The following VPS13B variants were observed in gnomAD, a reference collection of about 807,000 sequenced individuals.
VPS13B encodes the protein intermembrane lipid transfer protein VPS13B.
A neutral mutation model predicts 426.4 loss-of-function variants in VPS13B; 285 were observed. That is an observed-to-expected ratio of 0.67 (90% CI 0.61 to 0.74). The LOEUF is 0.74. Ranked by LOEUF, VPS13B falls within the 30% of genes least tolerant of loss-of-function variation. The pLI, the probability that VPS13B is intolerant of heterozygous loss-of-function variation, is 0.00. For synonymous variants in VPS13B, 1,676 were observed against 1,676.4 expected (o/e 1.00, Z 0.01); for missense variants, 4,537 against 4,782.6 (o/e 0.95, Z 1.51).
intron 12 of VPS13B, among the ~76,000 whole-genome samples, chr8:99,141,712 C>G (rs145271868): frequency 1.5e-3 from 226 of 151,894 alleles, no homozygotes; most frequent in African/African-American, 5.1e-3. Context: ...ATAATCTTTG[C>G]ACTAAGTCGT....
chr8:99,724,139 A>T (rs1213001496), intron 39 of VPS13B, among the ~76,000 whole-genome samples: 2 of 152,180 alleles, frequency 1.3e-5, no homozygotes, highest in East Asian at 3.9e-4. Context: ...GACAGAACAT[A>T]TGTAACATGA....
At chr8:99,615,112 C>T (rs899472860) in intron 33 of VPS13B, among the ~76,000 whole-genome samples, 5 of 127,770 alleles carry the variant, frequency 3.9e-5, no homozygotes, top group African/African-American at 6.0e-5. Flanking sequence ...AGTGAAACTC[C>T]GTCTCAAAAA....
chr8:99,076,679 G>C (rs944363593), intron 3 of VPS13B, among the ~76,000 whole-genome samples: 1 of 139,642 alleles, frequency 7.2e-6, no homozygotes, highest in Non-Finnish European at 1.6e-5. Flanking sequence ...AGCTACTTCT[G>C]TTTGCTTTTG....
At chr8:99,024,842 T>C (rs1203041468) in intron 2 of VPS13B, among the ~76,000 whole-genome samples, 1 of 152,206 alleles carries the variant, frequency 6.6e-6, no homozygotes, top group Non-Finnish European at 1.5e-5. Context: ...AAGAATAGCA[T>C]TGATAATTTA....
chr8:99,604,359 A>G (rs764781314), intron 33 of VPS13B, among the ~76,000 whole-genome samples: 49 of 152,192 alleles, frequency 3.2e-4, no homozygotes, highest in Non-Finnish European at 5.4e-4. Flanking sequence ...TTTTATTTGC[A>G]TGTTCTCAAT....
intron 33 of VPS13B, among the ~76,000 whole-genome samples, chr8:99,616,549 C>T (rs973422436): frequency 1.7e-4 from 26 of 152,116 alleles, no homozygotes; most frequent in Admixed American, 1.4e-3. Context: ...CAGATATGGC[C>T]GGGCGCAGTG....
chr8:99,821,238 G>A (rs896278870), intron 49 of VPS13B, 56 bp from the exon 50 acceptor site: 3 of 1,550,234 alleles, frequency 1.9e-6, no homozygotes, highest in Admixed American at 1.8e-5. Context: ...GAGGATTGAA[G>A]TAAAAAATAT....
At chr8:99,683,076 T>C (rs2129994464) in intron 35 of VPS13B, among the ~76,000 whole-genome samples, 1 of 152,166 alleles carries the variant, frequency 6.6e-6, no homozygotes. Flanking sequence ...TTTAAGGTAC[T>C]TTTTTTTGTA....
intron 17 of VPS13B, among the ~76,000 whole-genome samples, chr8:99,255,704 G>T (rs974720902): frequency 6.6e-6 from 1 of 152,114 alleles, no homozygotes; most frequent in Admixed American, 6.5e-5. Flanking sequence ...CTGGCTTGGA[G>T]TGTTTAGATT....
intron 2 of VPS13B, among the ~76,000 whole-genome samples, chr8:99,029,021 CG>C (rs1842341672): frequency 6.7e-6 from 1 of 149,986 alleles, no homozygotes. Context: ...ACTTCTCAGA[CG>C]GGGTGGTTGC....
chr8:99,341,059 C>A (rs149132298), intron 19 of VPS13B: 2 of 267,042 alleles, frequency 7.5e-6, no homozygotes, highest in Non-Finnish European at 1.5e-5. Context: ...ATAACTGATG[C>A]GGTAGTGTAA....
intron 17 of VPS13B, among the ~76,000 whole-genome samples, chr8:99,217,924 A>G (rs1815476811): frequency 6.6e-6 from 1 of 152,214 alleles, no homozygotes; most frequent in Non-Finnish European, 1.5e-5. Flanking sequence ...CCCTTTGCAT[A>G]AAACATTTGC....
At chr8:99,857,747 A>T (rs945169286) in intron 56 of VPS13B, among the ~76,000 whole-genome samples, 1 of 152,194 alleles carries the variant, frequency 6.6e-6, no homozygotes, top group Non-Finnish European at 1.5e-5. Flanking sequence ...CCTGACCCAG[A>T]CAGCAGCTCA....
chr8:99,193,047 C>T lies in VPS13B; in HGVS notation c.2505C>T (p.Phe835=). The T allele has an allele frequency of 1.2e-6, 2 of 1,613,454 alleles. No individual in the cohort carries two copies. Among genetic ancestry groups the T allele is most frequent in the South Asian group, 2.2e-5 (2 of 91,066 alleles). ...TTGAAGCTTTGATAAATGAAATCTT[C>T]CTAAGTATAGGTAAGAGCACAGTCT... The part of the protein sequence containing the change: ...AVIEALINEI[F]LSIGVKSKNP... The change falls in exon 17 of 62, where the codon TTC becomes TTT. Residue 835 remains phenylalanine (F), a synonymous_variant. Coordinates refer to ENST00000357162, the MANE Select transcript of VPS13B (RefSeq NM_152564.5).
At chr8:99,749,036 T>G (rs1193493950) in intron 39 of VPS13B, among the ~76,000 whole-genome samples, 1 of 152,038 alleles carries the variant, frequency 6.6e-6, no homozygotes, top group Non-Finnish European at 1.5e-5. Context: ...CATGAGTATA[T>G]TCATGTTTAT....
At chr8:99,111,303 T>G (rs1421935714) in intron 6 of VPS13B, 24 bp downstream of exon 6, 1 of 1,577,088 alleles carries the variant, frequency 6.3e-7, no homozygotes, top group East Asian at 2.3e-5. Context: ...TTTTTTGCAG[T>G]TAAGTTGCAT....
rs374178777 is a variant in VPS13B, at chr8:99,496,575, C to T, written c.3871-5112C>T. Among the ~76,000 whole-genome samples, 89 of 152,112 alleles carry T rather than the reference C, an allele frequency of 5.9e-4. 3 individuals are homozygous for T. The highest frequency in any genetic ancestry group is 2.1e-3 in the African/African-American group (87 of 41,524). Reference sequence around the variant, plus strand: ...CTGAGGCAGGAGAATGGCGTGAACCCGGGAGGCGGAGCTTGCAGTGAGCCA... The same window carrying T: ...CTGAGGCAGGAGAATGGCGTGAACCTGGGAGGCGGAGCTTGCAGTGAGCCA... On this transcript the variant is annotated intron_variant, in intron 25 of 61. Transcript: ENST00000357162.
chr8:99,870,279 C>T (rs1028036509), intron 59 of VPS13B, among the ~76,000 whole-genome samples: 2 of 152,084 alleles, frequency 1.3e-5, no homozygotes, highest in Admixed American at 6.5e-5. Flanking sequence ...AGTGATCCTC[C>T]CACCTCAGCC....
chr8:99,421,324 G>A (rs982460233), intron 21 of VPS13B, among the ~76,000 whole-genome samples: 13 of 152,166 alleles, frequency 8.5e-5, no homozygotes, highest in Admixed American at 7.2e-4. Flanking sequence ...AAATGAGATT[G>A]CGATGTTAAA....
Sources: gnomAD v4.1 joint callset for allele counts (sites outside exome capture counted in the v4.1 genomes callset) on GRCh38, gnomAD v4.1.1 for gene constraint, MANE v1.5 for transcripts, NCBI Gene and HGNC (gene_info 2026-07-23, HGNC 2026-07-21) for gene names.